MGLL: variants seen among roughly 807,000 people sequenced by gnomAD.
MGLL encodes the protein lysophospholipase homolog.
MGLL carries 7 observed loss-of-function variants against 29.1 expected under a neutral mutation model. The ratio of observed to expected loss-of-function variants is 0.24; its 90% CI spans 0.14 to 0.45. MGLL has a LOEUF of 0.45. Among genes scored for constraint, MGLL ranks in the 20% least tolerant of loss-of-function variants. The pLI is 0.99. For missense variants in MGLL, 356 were observed against 413.6 expected (o/e 0.86, Z 1.21); for synonymous variants, 148 against 168.3 (o/e 0.88, Z 0.93).
At chr3:127,730,078 G>A (rs894222036) in intron 3 of MGLL, among the ~76,000 whole-genome samples, 2 of 152,192 alleles carry the variant, frequency 1.3e-5, no homozygotes, top group Non-Finnish European at 2.9e-5. Context: ...TCAAAACAGG[G>A]CTGTCGTCTT....
chr3:127,740,022 G>A lies in MGLL; in HGVS notation c.263-17456C>T, dbSNP rs141622550. On this transcript the variant is annotated intron_variant, in intron 3 of 7. Transcript: ENST00000265052. ...CGCTCAGAGGCCTGCGGGCCAGCAG[G>A]CAGCTCTGAGTGGGGAAGCCCTGGC... Among the ~76,000 whole-genome samples, 762 of 152,330 alleles carry A rather than the reference G, an allele frequency of 5.0e-3. 4 individuals carry two copies. Among genetic ancestry groups the A allele is most frequent in the Non-Finnish European group, 7.9e-3 (537 of 68,030 alleles).
In MGLL at chr3:127,704,250, T is replaced by C. The variant is rs138544341; in HGVS notation, c.600+6326A>G. 3.9e-4 allele frequency among the ~76,000 whole-genome samples: 59 copies of C among 152,320 alleles called. 1 individual carries two copies. The East Asian group carries it at 0.01, about 27-fold the overall frequency. ...ACTCAAGGTGGATTAAAGACTTAAATGTAAAACCCAAAACTATAAAATCCC... is the reference window on the plus strand; with the variant it reads ...ACTCAAGGTGGATTAAAGACTTAAACGTAAAACCCAAAACTATAAAATCCC... On this transcript the variant is annotated intron_variant, in intron 6 of 7. Coordinates refer to ENST00000265052, the MANE Select transcript of MGLL (RefSeq NM_007283.7).
In MGLL at chr3:127,736,915, G is replaced by A. The variant is rs188366290; in HGVS notation, c.263-14349C>T. 3.7e-3 allele frequency among the ~76,000 whole-genome samples: 565 copies of A among 152,222 alleles called. 7 individuals carry two copies. The highest frequency in any genetic ancestry group is 0.025 in the Admixed American group (376 of 15,296). On this transcript the variant is annotated intron_variant, in intron 3 of 7. Coordinates refer to ENST00000265052, the MANE Select transcript of MGLL (RefSeq NM_007283.7). ...TCACCTTGTTGGCCAGGCTGGTCTA[G>A]AACTCCTGACCTCAAATGATCCACC... is the stretch of plus-strand genomic sequence containing the variant.
At chr3:127,746,445 C>T (rs1470443850) in intron 3 of MGLL, among the ~76,000 whole-genome samples, 1 of 152,124 alleles carries the variant, frequency 6.6e-6, no homozygotes, top group Non-Finnish European at 1.5e-5. Context: ...CTTCCCTTCT[C>T]CACCCTGCCC....
At chr3:127,745,565 T>C (rs1435097300) in intron 3 of MGLL, among the ~76,000 whole-genome samples, 1 of 152,090 alleles carries the variant, frequency 6.6e-6, no homozygotes, top group Non-Finnish European at 1.5e-5. Flanking sequence ...GATGGGGGAT[T>C]GAGAGATGAC....
intron 3 of MGLL, among the ~76,000 whole-genome samples, chr3:127,744,114 C>A (rs532823221): frequency 2.0e-5 from 3 of 152,154 alleles, no homozygotes; most frequent in Admixed American, 6.5e-5. Context: ...AAACACATTT[C>A]GACTCAGAAT....
intron 3 of MGLL, among the ~76,000 whole-genome samples, chr3:127,768,144 G>A (rs1243783956): frequency 6.6e-6 from 1 of 152,168 alleles, no homozygotes; most frequent in East Asian, 1.9e-4. Context: ...AATAGTTAAA[G>A]AAACTGAATT....
chr3:127,727,445 C>T (rs926174623), intron 3 of MGLL, among the ~76,000 whole-genome samples: 2 of 152,108 alleles, frequency 1.3e-5, no homozygotes, highest in African/African-American at 4.8e-5. Flanking sequence ...GGCGCAGTGG[C>T]TCATGCCTGT....
chr3:127,786,688 C>G (rs1053890655), intron 2 of MGLL, among the ~76,000 whole-genome samples: 1 of 152,260 alleles, frequency 6.6e-6, no homozygotes, highest in African/African-American at 2.4e-5. Context: ...GTTTATTAAT[C>G]AGGTGACCTA....
intron 3 of MGLL, among the ~76,000 whole-genome samples, chr3:127,780,135 C>T (rs936839): frequency 0.05 from 7,678 of 152,244 alleles, 298 homozygotes; most frequent in South Asian, 0.2. Flanking sequence ...TTCTTTTCTC[C>T]CTTTATTCTA....
At chr3:127,792,442 G>A (rs193243074) in intron 2 of MGLL, among the ~76,000 whole-genome samples, 10 of 152,100 alleles carry the variant, frequency 6.6e-5, no homozygotes, top group East Asian at 5.8e-4. Flanking sequence ...AGTGGCTCCC[G>A]CTTGTAATTC....
chr3:127,751,773 A>G (rs530611563), intron 3 of MGLL, among the ~76,000 whole-genome samples: 14 of 152,304 alleles, frequency 9.2e-5, no homozygotes, highest in Admixed American at 8.5e-4. Flanking sequence ...AATAAAACTA[A>G]AAACACTTTT....
intron 3 of MGLL, among the ~76,000 whole-genome samples, chr3:127,743,952 C>T (rs1167725790): frequency 2.0e-5 from 3 of 152,104 alleles, no homozygotes; most frequent in African/African-American, 7.2e-5. Context: ...TACCTTAGAG[C>T]GAGGAAGGAT....
In MGLL at chr3:127,730,217, C is replaced by T. The variant is rs115529226; in HGVS notation, c.263-7651G>A. 1.8e-3 allele frequency among the ~76,000 whole-genome samples: 281 copies of T among 152,296 alleles called. 1 individual carries two copies. The highest frequency in any genetic ancestry group is 6.3e-3 in the African/African-American group (261 of 41,570). On this transcript the variant is annotated intron_variant, in intron 3 of 7. Coordinates refer to ENST00000265052, the MANE Select transcript of MGLL (RefSeq NM_007283.7). ...GTTGCTGCCTTTGAACTTACAGTAG[C>T]TTCTTCTCCAATCTCCCTGCCCAAC...
intron 5 of MGLL, among the ~76,000 whole-genome samples, chr3:127,714,667 C>A (rs547279349): frequency 6.6e-6 from 1 of 152,240 alleles, no homozygotes. Context: ...GAATGCCACC[C>A]CAAGAACAGA....
In MGLL at chr3:127,710,813, T is replaced by G. The variant is rs2075696724; in HGVS notation, c.511-148A>C. On this transcript the variant is annotated intron_variant, in intron 5 of 7. Coordinates refer to ENST00000265052, the MANE Select transcript of MGLL (RefSeq NM_007283.7). Reference sequence around the variant, plus strand: ...TCTCCCAAGCCTGCGTCCTTAAGCCTGCATGCCCAAGGACTCTCCCTTCTG... The same window carrying G: ...TCTCCCAAGCCTGCGTCCTTAAGCCGGCATGCCCAAGGACTCTCCCTTCTG... The G allele has an allele frequency of 2.7e-5, 20 of 735,348 alleles. No individual in the cohort carries two copies. The South Asian group carries it at 3.0e-4, about 11-fold the overall frequency. 45.6% of individuals were successfully genotyped at this position (735,348 alleles called of 1,614,324 possible).
chr3:127,729,496 A>T (rs2076108621), intron 3 of MGLL, among the ~76,000 whole-genome samples: 1 of 152,154 alleles, frequency 6.6e-6, no homozygotes, highest in South Asian at 2.1e-4. Flanking sequence ...AGTGAAATTC[A>T]CCTCACAAAA....
intron 3 of MGLL, among the ~76,000 whole-genome samples, chr3:127,776,574 ACACCCCTTCCT>A (rs1201699390): frequency 6.6e-6 from 1 of 152,136 alleles, no homozygotes; most frequent in Non-Finnish European, 1.5e-5. Context: ...TGGAGGTGCC[ACACCCCTTCCT>A]GAGCTGCGGG....
chr3:127,801,450 C>A (rs2107737082), intron 2 of MGLL, among the ~76,000 whole-genome samples: 1 of 152,006 alleles, frequency 6.6e-6, no homozygotes, highest in East Asian at 1.9e-4. Flanking sequence ...AACCCCATCC[C>A]TACTAAAAAT....
Sources: gnomAD v4.1 joint callset for allele counts (sites outside exome capture counted in the v4.1 genomes callset) on GRCh38, gnomAD v4.1.1 for gene constraint, MANE v1.5 for transcripts, NCBI Gene and HGNC (gene_info 2026-07-23, HGNC 2026-07-21) for gene names.